Variants in ATP1A1 observed in about 807,000 individuals in gnomAD.
The protein encoded by ATP1A1 is sodium/potassium-transporting ATPase subunit alpha-1.
In ATP1A1, 14 loss-of-function variants were observed where a neutral mutation model predicts 114.8. The observed-to-expected ratio is 0.12, with a 90% confidence interval of 0.08 to 0.19. The LOEUF (loss-of-function observed/expected upper bound fraction) is 0.19. Among genes scored for constraint, ATP1A1 ranks in the 10% least tolerant of loss-of-function variants. The pLI, the probability that ATP1A1 is intolerant of heterozygous loss-of-function variation, is 1.00. For missense variants in ATP1A1, 524 were observed against 1,290.7 expected, an observed-to-expected ratio of 0.41 and a Z score of 9.10; for synonymous variants, 471 against 466.3, an observed-to-expected ratio of 1.01 and a Z score of -0.13.
rs1293863463 is a variant in ATP1A1 at position 116,388,451 on chromosome 1, C to A, written c.502-187C>A. Reference sequence around the variant, plus strand: ...TGAATGTAAACTCTGAATACAGGCACACCATGTAACAGCAATATCTCTTAA... The same window carrying A: ...TGAATGTAAACTCTGAATACAGGCAAACCATGTAACAGCAATATCTCTTAA... On this transcript the variant is annotated intron_variant, in intron 5 of 22. Coordinates refer to ENST00000295598, the MANE Select transcript of ATP1A1 (RefSeq NM_000701.8). This position sits in a 1 kb window ranked among gnomAD's most constrained non-coding sequence, Gnocchi z 5.6. The A allele has an allele frequency of 3.1e-6, 3 of 959,120 alleles. No homozygotes were observed. Among genetic ancestry groups the A allele is most frequent in the Non-Finnish European group, 3.0e-6 (2 of 658,740 alleles). The allele number at this position is 959,120 out of a possible 1,614,324, so 59.4% of individuals were successfully genotyped here.
At chr1:116,376,584 TCTTTCTGTACC>T (rs754121174) in intron 1 of ATP1A1, among the ~76,000 whole-genome samples, 100 of 152,288 alleles carry the variant, frequency 6.6e-4, no homozygotes, top group Non-Finnish European at 9.4e-4. Context: ...CTTCTTAGGT[TCTTTCTGTACC>T]CTTTTATAAG....
chr1:116,403,432 T>C (rs1275137734), intron 21 of ATP1A1, among the ~76,000 whole-genome samples: 1 of 152,198 alleles, frequency 6.6e-6, no homozygotes, highest in Non-Finnish European at 1.5e-5. Flanking sequence ...GAGATCAAAT[T>C]TGGGGAATGC....
chr1:116,392,708 C>A, intron 10 of ATP1A1, 146 bp from the exon 11 acceptor site: 1 of 963,550 alleles, frequency 1.0e-6, no homozygotes, highest in Non-Finnish European at 1.5e-6. Context: ...GACTCCTGTC[C>A]CACTTAACAC....
intron 8 of ATP1A1, 125 bp from the exon 9 acceptor site, chr1:116,390,067 GTTCCCCTTATTATTTCTTCAA>G: frequency 1.2e-6 from 1 of 846,620 alleles, no homozygotes; most frequent in East Asian, 2.4e-5. Flanking sequence ...TCATGTATGG[GTTCCCCTTATTATTTCTTCAA>G]ACTTCAGAAG....
At position 116,385,000 on chromosome 1, in the gene ATP1A1, A is replaced by C; in HGVS notation, c.183+158A>C. On this transcript the variant is annotated intron_variant, in intron 3 of 22. Coordinates refer to ENST00000295598, the MANE Select transcript of ATP1A1 (RefSeq NM_000701.8). The surrounding 1 kb of genome is among the most constrained non-coding windows in gnomAD (Gnocchi z 5.1). ...TGACATGCACAGAATTTGGGCATTT[A>C]TATGCTACCGTTTCTTTTCCCTGAA... 1 of 683,242 alleles carries C rather than the reference A, an allele frequency of 1.5e-6. No individual in the cohort carries two copies. The highest frequency in any genetic ancestry group is 3.0e-5 in the East Asian group (1 of 33,122). 42.3% of individuals were successfully genotyped at this position (683,242 alleles called of 1,614,324 possible). A position where few individuals can be genotyped will look rare whatever the true frequency, so the allele number is the denominator to read the frequency against.
chr1:116,392,757 A>G lies in ATP1A1; in HGVS notation c.1333-97A>G, dbSNP rs1652569673. 11 of 1,442,834 alleles carry G rather than the reference A, an allele frequency of 7.6e-6. 1 individual carries two copies. In the South Asian group the frequency reaches 1.3e-4, roughly 18 times the overall value. The allele number at this position is 1,442,834 out of a possible 1,614,324, so 89.4% of individuals were successfully genotyped here. On this transcript the variant is annotated intron_variant, in intron 10 of 22. Coordinates refer to ENST00000295598, the MANE Select transcript of ATP1A1 (RefSeq NM_000701.8). ...TTGCCCATCCTCTGCTACCTCTGAC[A>G]AGATTGGAATGTGTCTTGAGTTATT...
At chr1:116,383,655 T>G (rs1463507765) in intron 1 of ATP1A1, 1 of 195,300 alleles carries the variant, frequency 5.1e-6, no homozygotes, top group African/African-American at 2.3e-5. Context: ...AAAGTTAGTT[T>G]CATTCTTTCA....
Position 116,389,620 on chromosome 1 carries a change from C to T in ATP1A1, c.936C>T (p.Ile312=), listed in dbSNP as rs756675907. The T allele has an allele frequency of 1.4e-5, 23 of 1,614,174 alleles. No homozygotes were observed. In the South Asian group the frequency reaches 2.4e-4, roughly 17 times the overall value. Residue 312 remains isoleucine (I), a synonymous_variant, in exon 8 of 23, where the codon ATC becomes ATT. Transcript: ENST00000295598. The surrounding 1 kb of genome is among the most constrained non-coding windows in gnomAD (Gnocchi z 6.9). ...TGTCTTTCTTCATCCTTTCTCTCATCCTTGAGTACACCTGGCTTGAGGCTG... is the reference window on the plus strand; with the variant it reads ...TGTCTTTCTTCATCCTTTCTCTCATTCTTGAGTACACCTGGCTTGAGGCTG... ...LGVSFFILSL[I]LEYTWLEAVI...
Position 116,401,136 on chromosome 1 carries a change from G to A in ATP1A1, c.2725G>A (p.Glu909Lys). Residue 909 changes from glutamate to lysine, a missense_variant, in exon 20 of 23, where the codon GAG becomes AAG. By Grantham distance (56) the Glu-to-Lys change is moderately conservative (BLOSUM62 1). Around this residue, in one of 8 missense-constraint regions of ATP1A1, gnomAD observed 84 missense variants for 209.3 expected, o/e 0.40. Transcript: ENST00000295598. This position sits in a 1 kb window ranked among gnomAD's most constrained non-coding sequence, Gnocchi z 4.7. ...EDSYGQQWTY[E>K]QRKIVEFTCH... Reference sequence around the variant, plus strand: ...TCTGTCTTCTGCATTTCAGACCTATGAGCAGAGGAAAATCGTGGAGTTCAC... The same window carrying A: ...TCTGTCTTCTGCATTTCAGACCTATAAGCAGAGGAAAATCGTGGAGTTCAC... 6.2e-7 allele frequency: 1 copy of A among 1,614,222 alleles called. No individual in the cohort carries two copies. The highest frequency in any genetic ancestry group is 8.5e-7 in the Non-Finnish European group (1 of 1,180,042).
In ATP1A1 at chr1:116,373,280, G is replaced by C. The variant is rs1056369285; in HGVS notation, c.-232G>C. On this transcript the variant is annotated 5_prime_UTR_variant, in exon 1 of 23. Transcript: ENST00000295598. ...GGGGTCTGGGGCGCAGAGCAGCGGC[G>C]GGAGGAGGCGGACACGTGGCAACAG... 4 of 399,998 alleles carry C rather than the reference G, an allele frequency of 1.0e-5. No homozygotes were observed. Among genetic ancestry groups the C allele is most frequent in the Non-Finnish European group, 1.8e-5 (4 of 226,786 alleles). The allele number at this position is 399,998 out of a possible 1,614,324, so 24.8% of individuals were successfully genotyped here. A position where few individuals can be genotyped will look rare whatever the true frequency, so the allele number is the denominator to read the frequency against.
Position 116,393,494 on chromosome 1 carries a change from A to G in ATP1A1, c.1468-37A>G. 6.3e-7 allele frequency: 1 copy of G among 1,580,100 alleles called. No individual in the cohort carries two copies. The highest frequency in any genetic ancestry group is 2.3e-5 in the East Asian group (1 of 44,294). ...TTCCACCATGGACTGCCACACATCC[A>G]ACCATCCAATGTTTATGTCTCAACA... On this transcript the variant is annotated intron_variant, in intron 11 of 22. Transcript: ENST00000295598. This position sits in a 1 kb window ranked among gnomAD's most constrained non-coding sequence, Gnocchi z 5.0.
intron 1 of ATP1A1, chr1:116,374,055 C>G (rs908013299): frequency 4.3e-6 from 6 of 1,403,402 alleles, no homozygotes; most frequent in South Asian, 1.6e-5. Flanking sequence ...GCCGCGGCCC[C>G]GGTTCCGGCG....
intron 1 of ATP1A1, chr1:116,373,965 C>A: frequency 7.3e-7 from 1 of 1,366,240 alleles, no homozygotes; most frequent in Non-Finnish European, 9.4e-7. Flanking sequence ...TCCCTCCGCC[C>A]TCCGTGCCCT....
intron 9 of ATP1A1, 75 bp downstream of exon 9, chr1:116,390,486 GA>G: frequency 8.1e-7 from 1 of 1,240,298 alleles, no homozygotes; most frequent in South Asian, 1.5e-5. Flanking sequence ...GAAATTGCAT[GA>G]AATTTCTTTT....
intron 1 of ATP1A1, chr1:116,382,526 G>C (rs1330948055): frequency 2.0e-5 from 3 of 152,268 alleles, no homozygotes; most frequent in South Asian, 2.1e-4. Context: ...AGAAACTAAA[G>C]AACCCACCCA....
chr1:116,398,891 G>A lies in ATP1A1; in HGVS notation c.2294-39G>A, dbSNP rs1214005187. ...GATATGTTCAGTTTCCAGTGTGCTT[G>A]TCTCATAAGCTAACAGTAAAAAATC... On this transcript the variant is annotated intron_variant, in intron 16 of 22. Coordinates refer to ENST00000295598, the MANE Select transcript of ATP1A1 (RefSeq NM_000701.8). This position sits in a 1 kb window ranked among gnomAD's most constrained non-coding sequence, Gnocchi z 6.1. 5 of 1,612,962 alleles carry A rather than the reference G, an allele frequency of 3.1e-6. 1 individual carries two copies. In the Middle Eastern group the frequency reaches 4.9e-4, roughly 159 times the overall value.
intron 21 of ATP1A1, among the ~76,000 whole-genome samples, chr1:116,403,519 C>T (rs897011714): frequency 3.9e-5 from 6 of 152,168 alleles, no homozygotes; most frequent in Non-Finnish European, 8.8e-5. Context: ...TCTTAAAAAG[C>T]TTCTTAAACA....
intron 1 of ATP1A1, chr1:116,382,511 A>G (rs1444824259): frequency 6.6e-6 from 1 of 152,220 alleles, no homozygotes; most frequent in Non-Finnish European, 1.5e-5. Flanking sequence ...ATTAATAGAT[A>G]AGATAGAAAC....
intron 1 of ATP1A1, among the ~76,000 whole-genome samples, chr1:116,377,573 A>G (rs1651458093): frequency 6.6e-6 from 1 of 152,218 alleles, no homozygotes; most frequent in Non-Finnish European, 1.5e-5. Flanking sequence ...GTCTACTTTC[A>G]CTTCTCAGGT....
Sources: allele counts gnomAD v4.1 joint callset (sites outside exome capture counted in the v4.1 genomes callset), GRCh38; gene constraint gnomAD v4.1.1; regional missense constraint gnomAD v4.1.1; non-coding constraint Gnocchi (gnomAD v3.1); transcripts MANE v1.5; gene names NCBI Gene and HGNC (gene_info 2026-07-23, HGNC 2026-07-21).